Variants in GRM8 observed in about 807,000 individuals in gnomAD.
GRM8 encodes the protein glutamate metabotropic receptor 8.
Under a neutral mutation model 87.2 loss-of-function variants are expected in GRM8, and 47 were observed. The ratio of observed to expected loss-of-function variants is 0.54; its 90% CI spans 0.43 to 0.69. GRM8 has a LOEUF of 0.69. Among genes scored for constraint, GRM8 ranks in the 30% least tolerant of loss-of-function variants. GRM8 has a pLI of 0.00. For missense variants in GRM8, 1,019 were observed against 1,139.2 expected (o/e 0.89, Z 1.52); for synonymous variants, 396 against 404.5 (o/e 0.98, Z 0.25).
At chr7:126,791,331 C>G (rs1442165769) in intron 6 of GRM8, among the ~76,000 whole-genome samples, 1 of 152,224 alleles carries the variant, frequency 6.6e-6, no homozygotes, top group Non-Finnish European at 1.5e-5. Flanking sequence ...TTTCACAACA[C>G]AGACCTTCTT....
intron 9 of GRM8, among the ~76,000 whole-genome samples, chr7:126,475,287 T>C (rs1374340635): frequency 3.3e-5 from 5 of 152,090 alleles, no homozygotes; most frequent in African/African-American, 1.2e-4. Context: ...AGTTGTAGGA[T>C]ACAAAATCAA....
chr7:126,448,609 GA>G (rs1394814514), intron 9 of GRM8, among the ~76,000 whole-genome samples: 7 of 151,894 alleles, frequency 4.6e-5, no homozygotes, highest in Non-Finnish European at 7.4e-5. Context: ...ACAGATATTA[GA>G]ATTAAATAGT....
intron 3 of GRM8, among the ~76,000 whole-genome samples, chr7:127,035,641 A>G (rs932647529): frequency 2.0e-5 from 3 of 152,220 alleles, no homozygotes; most frequent in Admixed American, 6.5e-5. Flanking sequence ...GATGAGCATC[A>G]GACTCCACAT....
At chr7:126,528,712 T>C (rs2299456) in intron 9 of GRM8, among the ~76,000 whole-genome samples, 24,880 of 151,784 alleles carry the variant, frequency 0.16, 2,141 homozygotes, top group Middle Eastern at 0.19. Flanking sequence ...ACTCAAGTCT[T>C]CTCTAGTTCG....
intron 9 of GRM8, among the ~76,000 whole-genome samples, chr7:126,531,038 T>A (rs1814736610): frequency 6.6e-6 from 1 of 152,186 alleles, no homozygotes. Context: ...TGTCATTTTA[T>A]GTATTGTCTT....
At chr7:127,073,996 G>C (rs1318415938) in intron 3 of GRM8, among the ~76,000 whole-genome samples, 1 of 152,110 alleles carries the variant, frequency 6.6e-6, no homozygotes, top group Admixed American at 6.6e-5. Context: ...CATTTAACTT[G>C]TGTTTTCAGC....
intron 3 of GRM8, among the ~76,000 whole-genome samples, chr7:127,085,142 T>C (rs1823335673): frequency 6.6e-6 from 1 of 152,260 alleles, no homozygotes; most frequent in Admixed American, 6.5e-5. Flanking sequence ...GGACATGAAC[T>C]CATCCTTTTT....
chr7:126,586,408 C>A (rs891178893), intron 8 of GRM8, among the ~76,000 whole-genome samples: 1 of 152,200 alleles, frequency 6.6e-6, no homozygotes, highest in Non-Finnish European at 1.5e-5. Flanking sequence ...CTGGAGGCAT[C>A]ATGCTACCTG....
At chr7:126,566,255 A>T (rs1794206063) in intron 8 of GRM8, among the ~76,000 whole-genome samples, 2 of 152,204 alleles carry the variant, frequency 1.3e-5, no homozygotes, top group Admixed American at 1.3e-4. Context: ...AAATCAGAAA[A>T]CATACTTGAA....
chr7:126,875,896 T>G (rs1023245365), intron 6 of GRM8, among the ~76,000 whole-genome samples: 3 of 152,162 alleles, frequency 2.0e-5, no homozygotes, highest in Non-Finnish European at 4.4e-5. Context: ...CTTTGTCTGT[T>G]GCCACACAGG....
chr7:126,491,693 A>AG (rs1584800492), intron 9 of GRM8, among the ~76,000 whole-genome samples: 1 of 152,178 alleles, frequency 6.6e-6, no homozygotes, highest in East Asian at 1.9e-4. Context: ...TCTTAGCCAC[A>AG]GGTGTCATGT....
intron 3 of GRM8, among the ~76,000 whole-genome samples, chr7:127,016,267 G>C (rs1815658565): frequency 6.6e-6 from 1 of 151,960 alleles, no homozygotes; most frequent in African/African-American, 2.4e-5. Context: ...TCCTCCCACG[G>C]GAGTTAGACT....
chr7:127,004,417 A>G (rs1814055169), intron 3 of GRM8, among the ~76,000 whole-genome samples: 1 of 151,736 alleles, frequency 6.6e-6, no homozygotes, highest in Non-Finnish European at 1.5e-5. Context: ...GATAAAAGAC[A>G]CAGAAACAAA....
intron 9 of GRM8, among the ~76,000 whole-genome samples, chr7:126,467,407 T>A (rs938610553): frequency 6.6e-6 from 1 of 152,062 alleles, no homozygotes; most frequent in Admixed American, 6.6e-5. Context: ...TTTCTTTTCT[T>A]TTAAAAAAGA....
intron 3 of GRM8, among the ~76,000 whole-genome samples, chr7:127,020,746 C>T (rs1426539039): frequency 1.3e-5 from 2 of 152,034 alleles, no homozygotes; most frequent in East Asian, 3.9e-4. Flanking sequence ...CATCACCTAG[C>T]CTTGTAATTA....
chr7:127,153,538 A>C (rs1283898197), intron 2 of GRM8, among the ~76,000 whole-genome samples: 1 of 152,094 alleles, frequency 6.6e-6, no homozygotes, highest in Non-Finnish European at 1.5e-5. Context: ...AGAAAGCGGA[A>C]GTGGGGAGAG....
intron 7 of GRM8, among the ~76,000 whole-genome samples, chr7:126,723,581 G>T (rs904053232): frequency 2.6e-5 from 4 of 151,996 alleles, no homozygotes; most frequent in African/African-American, 7.3e-5. Flanking sequence ...TTCACTTTAG[G>T]CAACAGGACA....
intron 3 of GRM8, among the ~76,000 whole-genome samples, chr7:126,909,131 T>C (rs920780873): frequency 2.4e-4 from 37 of 152,144 alleles, no homozygotes; most frequent in African/African-American, 8.7e-4. Context: ...ACATAAGAAA[T>C]GTCAGACAAG....
chr7:126,768,918 G>T (rs1238592511), intron 7 of GRM8, among the ~76,000 whole-genome samples: 1 of 81,352 alleles, frequency 1.2e-5, no homozygotes, highest in Non-Finnish European at 2.7e-5. Context: ...TGCCTTTAAA[G>T]GAAAAATGCA....
Sources: allele counts gnomAD v4.1 joint callset (sites outside exome capture counted in the v4.1 genomes callset), GRCh38; gene constraint gnomAD v4.1.1; transcripts MANE v1.5; gene names NCBI Gene and HGNC (gene_info 2026-07-23, HGNC 2026-07-21).